SEMA3A: variants seen among roughly 807,000 people sequenced by gnomAD.
SEMA3A encodes semaphorin-3A.
SEMA3A carries 29 observed loss-of-function variants against 97.9 expected under a neutral mutation model. That is an observed-to-expected ratio of 0.30 (90% CI 0.22 to 0.40). The LOEUF (loss-of-function observed/expected upper bound fraction) is 0.40. SEMA3A is among the 10% of genes least tolerant of loss of function. The probability of loss-of-function intolerance (pLI) is 1.00; values close to 1 mark genes in which losing one functional copy is unlikely to be tolerated. For missense variants in SEMA3A, 763 were observed against 951.3 expected (o/e 0.80, Z 2.60); for synonymous variants, 321 against 323.7 (o/e 0.99, Z 0.09).
At chr7:84,013,035 G>C (rs976741873) in intron 7 of SEMA3A, among the ~76,000 whole-genome samples, 1 of 152,012 alleles carries the variant, frequency 6.6e-6, no homozygotes, top group African/African-American at 2.4e-5. Context: ...ATTGAATATA[G>C]TAGAGGTAAT....
At chr7:84,409,093 A>G (rs1804190706) in intron 1 of SEMA3A, among the ~76,000 whole-genome samples, 1 of 149,726 alleles carries the variant, frequency 6.7e-6, no homozygotes, top group Non-Finnish European at 1.5e-5. Context: ...ATGTAAAAAA[A>G]AATACAGTTA....
intron 3 of SEMA3A, among the ~76,000 whole-genome samples, chr7:84,206,172 A>G (rs1171036838): frequency 2.0e-5 from 3 of 152,160 alleles, no homozygotes; most frequent in Non-Finnish European, 2.9e-5. Context: ...GATTGACACT[A>G]TGGCATTCTT....
At chr7:83,978,255 G>T (rs1193118455) in intron 14 of SEMA3A, among the ~76,000 whole-genome samples, 1 of 152,140 alleles carries the variant, frequency 6.6e-6, no homozygotes, top group Non-Finnish European at 1.5e-5. Flanking sequence ...GAGAATAAAT[G>T]AACTTACATT....
intron 2 of SEMA3A, among the ~76,000 whole-genome samples, chr7:84,362,089 T>C (rs1170614758): frequency 1.3e-5 from 2 of 151,916 alleles, no homozygotes; most frequent in African/African-American, 4.8e-5. Context: ...CTCTCTAAGA[T>C]AAACAGTCTT....
intron 4 of SEMA3A, among the ~76,000 whole-genome samples, chr7:84,065,617 T>C (rs1333514902): frequency 6.6e-6 from 1 of 150,802 alleles, no homozygotes; most frequent in African/African-American, 2.5e-5. Flanking sequence ...AAATACAAAC[T>C]ACCATCAGAG....
intron 3 of SEMA3A, among the ~76,000 whole-genome samples, chr7:84,278,130 A>G (rs1482264196): frequency 6.6e-6 from 1 of 152,138 alleles, no homozygotes; most frequent in Non-Finnish European, 1.5e-5. Flanking sequence ...TCCAACAGAT[A>G]TCCTAAATAA....
At chr7:84,302,434 G>A (rs922629382) in intron 3 of SEMA3A, among the ~76,000 whole-genome samples, 1 of 151,994 alleles carries the variant, frequency 6.6e-6, no homozygotes, top group African/African-American at 2.4e-5. Flanking sequence ...CCGCCAAAAC[G>A]TTTTTACATA....
intron 1 of SEMA3A, among the ~76,000 whole-genome samples, chr7:84,433,151 T>C (rs1805030509): frequency 6.6e-6 from 1 of 151,960 alleles, no homozygotes; most frequent in South Asian, 2.1e-4. Context: ...TAGGTATACA[T>C]GTGCCATGGT....
chr7:84,237,194 A>ATC (rs1458983866), intron 3 of SEMA3A, among the ~76,000 whole-genome samples: 1 of 152,192 alleles, frequency 6.6e-6, no homozygotes, highest in African/African-American at 2.4e-5. Flanking sequence ...TGTTTAATTT[A>ATC]TCCCAGAGTT....
At chr7:84,092,116 G>A (rs879482129) in intron 4 of SEMA3A, among the ~76,000 whole-genome samples, 20 of 152,070 alleles carry the variant, frequency 1.3e-4, no homozygotes, top group Non-Finnish European at 2.2e-4. Context: ...TTTTTTAAAA[G>A]GCATTTTTTT....
intron 1 of SEMA3A, among the ~76,000 whole-genome samples, chr7:84,439,978 A>C (rs890158712): frequency 6.6e-6 from 1 of 152,226 alleles, no homozygotes; most frequent in African/African-American, 2.4e-5. Flanking sequence ...ACCATGTATT[A>C]GGCACTATAC....
intron 4 of SEMA3A, among the ~76,000 whole-genome samples, chr7:84,101,913 GTTA>G (rs1365601320): frequency 6.6e-6 from 1 of 151,716 alleles, no homozygotes; most frequent in Non-Finnish European, 1.5e-5. Context: ...TAATGTCAAT[GTTA>G]TTAATAATTT....
At chr7:83,987,957 C>G (rs1327355615) in intron 12 of SEMA3A, among the ~76,000 whole-genome samples, 3 of 152,188 alleles carry the variant, frequency 2.0e-5, no homozygotes, top group Non-Finnish European at 4.4e-5. Flanking sequence ...GCAGAAATCA[C>G]CAGTGAACTG....
At chr7:84,110,685 TTTTC>T (rs1795253752) in intron 3 of SEMA3A, 96 bp from the exon 4 acceptor site, 3 of 1,343,698 alleles carry the variant, frequency 2.2e-6, no homozygotes, top group Admixed American at 2.4e-5. Context: ...TTGTCTTTTG[TTTTC>T]TTTCTTTTTT....
intron 2 of SEMA3A, among the ~76,000 whole-genome samples, chr7:84,358,408 G>T (rs1255197767): frequency 2.0e-5 from 3 of 152,254 alleles, no homozygotes; most frequent in African/African-American, 4.8e-5. Context: ...TTTCTCCATT[G>T]CTTGTTTTTG....
chr7:84,378,509 G>A (rs1214189596), intron 1 of SEMA3A, among the ~76,000 whole-genome samples: 1 of 152,046 alleles, frequency 6.6e-6, no homozygotes, highest in African/African-American at 2.4e-5. Flanking sequence ...AGCTGAACAA[G>A]GAGAACACTT....
intron 2 of SEMA3A, among the ~76,000 whole-genome samples, chr7:84,356,578 A>C (rs1463388340): frequency 6.6e-6 from 1 of 151,822 alleles, no homozygotes; most frequent in Non-Finnish European, 1.5e-5. Context: ...AATTCCATAA[A>C]GTAAAACCGA....
At chr7:84,384,788 T>A (rs2116153343) in intron 1 of SEMA3A, among the ~76,000 whole-genome samples, 1 of 152,318 alleles carries the variant, frequency 6.6e-6, no homozygotes, top group African/African-American at 2.4e-5. Flanking sequence ...TTGCTCTTCC[T>A]AACCTCTGGA....
chr7:84,158,603 C>T (rs944473726), intron 1 of SEMA3A, among the ~76,000 whole-genome samples: 3 of 152,044 alleles, frequency 2.0e-5, no homozygotes, highest in African/African-American at 7.2e-5. Context: ...TGTGCACTGC[C>T]CCTCTTCCCA....
Sources: gnomAD v4.1 joint callset for allele counts (sites outside exome capture counted in the v4.1 genomes callset) on GRCh38, gnomAD v4.1.1 for gene constraint, MANE v1.5 for transcripts, NCBI Gene and HGNC (gene_info 2026-07-23, HGNC 2026-07-21) for gene names.